C8A: variants seen among roughly 807,000 people sequenced by gnomAD.
C8A encodes the protein complement C8 alpha chain, also known as complement component C8 alpha chain.
Under a neutral mutation model 65.3 loss-of-function variants are expected in C8A, and 67 were observed. That is an observed-to-expected ratio of 1.03 (90% CI 0.84 to 1.26). The LOEUF (loss-of-function observed/expected upper bound fraction) is 1.26. Among genes scored for constraint, C8A ranks in the 50% most tolerant of loss-of-function variants. The pLI is 0.00. For synonymous variants in C8A, 290 were observed against 259.4 expected, an observed-to-expected ratio of 1.12 and a Z score of -1.13; for missense variants, 781 against 723.9, an observed-to-expected ratio of 1.08 and a Z score of -0.90.
intron 1 of C8A, among the ~76,000 whole-genome samples, chr1:56,856,436 G>A (rs920538032): frequency 1.3e-5 from 2 of 152,092 alleles, no homozygotes; most frequent in Non-Finnish European, 2.9e-5. Flanking sequence ...GTGCTGCTGT[G>A]TGATTGTTAT....
At chr1:56,870,481 T>C (rs1007261684) in intron 2 of C8A, among the ~76,000 whole-genome samples, 1 of 152,102 alleles carries the variant, frequency 6.6e-6, no homozygotes, top group Non-Finnish European at 1.5e-5. Flanking sequence ...GTAATCTCTC[T>C]CTGCCTTCTT....
In C8A at chr1:56,912,544, C is replaced by T. The variant is rs926368368; in HGVS notation, c.1522C>T (p.Pro508Ser). 1 of 1,614,052 alleles carries T rather than the reference C, an allele frequency of 6.2e-7. No individual in the cohort carries two copies. The highest frequency in any genetic ancestry group is 8.5e-7 in the Non-Finnish European group (1 of 1,180,024). Residue 508 changes from proline to serine, a missense_variant, in exon 10 of 11, where the codon CCC (proline) becomes TCC (serine). Coordinates refer to ENST00000361249, the MANE Select transcript of C8A (RefSeq NM_000562.3). ...TGGGCCTTGCTTCAACAATGGGGTG[C>T]CCATCCTCGAGGGCACCAGCTGCAG... ...RCGPCFNNGV[P>S]ILEGTSCRCQ...
intron 2 of C8A, among the ~76,000 whole-genome samples, chr1:56,872,464 T>C (rs1248015585): frequency 6.6e-6 from 1 of 152,140 alleles, no homozygotes; most frequent in Non-Finnish European, 1.5e-5. Context: ...AAATTTAAGA[T>C]AATATATCTT....
At chr1:56,871,619 G>A (rs763930188) in intron 2 of C8A, among the ~76,000 whole-genome samples, 2 of 152,112 alleles carry the variant, frequency 1.3e-5, no homozygotes, top group East Asian at 1.9e-4. Flanking sequence ...TGGCAGAGCT[G>A]GAATTCTAAC....
intron 1 of C8A, among the ~76,000 whole-genome samples, chr1:56,866,956 C>T (rs1644095354): frequency 6.6e-6 from 1 of 152,150 alleles, no homozygotes; most frequent in Non-Finnish European, 1.5e-5. Flanking sequence ...CTCTGTCATT[C>T]CTGGGTTATG....
intron 7 of C8A, among the ~76,000 whole-genome samples, chr1:56,887,071 G>A (rs1644305697): frequency 6.6e-6 from 1 of 152,134 alleles, no homozygotes; most frequent in Non-Finnish European, 1.5e-5. Context: ...TGAGAGGAAG[G>A]ATAAGAGATC....
At chr1:56,858,708 A>C (rs1243329615) in intron 1 of C8A, among the ~76,000 whole-genome samples, 4 of 152,242 alleles carry the variant, frequency 2.6e-5, no homozygotes, top group African/African-American at 9.6e-5. Flanking sequence ...ATGAATTTTT[A>C]ATTAATGAAA....
chr1:56,894,391 T>C lies in C8A; in HGVS notation c.1096+8224T>C, dbSNP rs572625797. Among the ~76,000 whole-genome samples, 76 of 152,312 alleles carry C rather than the reference T, an allele frequency of 5.0e-4. 1 individual carries two copies. In the South Asian group the frequency reaches 0.015, roughly 31 times the overall value. On this transcript the variant is annotated intron_variant, in intron 7 of 10. Coordinates refer to ENST00000361249, the MANE Select transcript of C8A (RefSeq NM_000562.3). ...CTCTTCCCATTTATCAAGGTCACTT[T>C]GAACTCTCATCACTATCTTTCAAAG...
intron 7 of C8A, among the ~76,000 whole-genome samples, chr1:56,899,787 C>A (rs1644412806): frequency 6.6e-6 from 1 of 152,194 alleles, no homozygotes; most frequent in African/African-American, 2.4e-5. Context: ...CTGAACCAGG[C>A]ACTGTCCAGA....
Position 56,911,573 on chromosome 1 carries a change from G to A in C8A, c.1381-830G>A, listed in dbSNP as rs550912688. Among the ~76,000 whole-genome samples the A allele has an allele frequency of 2.6e-5, 4 of 152,338 alleles. No homozygotes were observed. In the East Asian group the frequency reaches 7.7e-4, roughly 29 times the overall value. The stretch of plus-strand genomic sequence containing the variant: ...GAGACAGTCTTGGTTTTCACAACTG[G>A]AAGGGGGCTGCTGGCATGTAGTGGG... On this transcript the variant is annotated intron_variant, in intron 9 of 10. Coordinates refer to ENST00000361249, the MANE Select transcript of C8A (RefSeq NM_000562.3).
At chr1:56,917,259 C>T (rs1644559899) in intron 10 of C8A, among the ~76,000 whole-genome samples, 1 of 152,224 alleles carries the variant, frequency 6.6e-6, no homozygotes, top group African/African-American at 2.4e-5. Context: ...TCTCAGGCAA[C>T]AGGATGGCCT....
chr1:56,911,297 G>A (rs1644504151), intron 9 of C8A, among the ~76,000 whole-genome samples: 1 of 152,156 alleles, frequency 6.6e-6, no homozygotes. Flanking sequence ...GTTTTACCAT[G>A]TGACAGGTCT....
intron 2 of C8A, among the ~76,000 whole-genome samples, chr1:56,874,347 T>C (rs546443224): frequency 1.3e-5 from 2 of 152,226 alleles, no homozygotes; most frequent in East Asian, 3.9e-4. Flanking sequence ...ACCTTAACTA[T>C]AGGAGATATA....
At chr1:56,869,344 T>C (rs911613539) in intron 2 of C8A, among the ~76,000 whole-genome samples, 4 of 152,344 alleles carry the variant, frequency 2.6e-5, no homozygotes, top group South Asian at 2.1e-4. Flanking sequence ...GCAAAGACCA[T>C]TAATTTCATT....
At chr1:56,879,933 A>G (rs558378547) in intron 4 of C8A, among the ~76,000 whole-genome samples, 38 of 152,240 alleles carry the variant, frequency 2.5e-4, no homozygotes, top group Admixed American at 1.5e-3. Context: ...GCCATAAACA[A>G]TCATGACGAT....
intron 7 of C8A, among the ~76,000 whole-genome samples, chr1:56,901,082 T>C (rs1329351905): frequency 6.6e-6 from 1 of 152,118 alleles, no homozygotes; most frequent in Non-Finnish European, 1.5e-5. Flanking sequence ...GTGTGAGTTT[T>C]AAAGGATAAA....
At chr1:56,911,771 G>C (rs2101309075) in intron 9 of C8A, among the ~76,000 whole-genome samples, 1 of 152,360 alleles carries the variant, frequency 6.6e-6, no homozygotes, top group Admixed American at 6.5e-5. Context: ...GCCACATGTA[G>C]CTGCCACAGT....
intron 6 of C8A, among the ~76,000 whole-genome samples, chr1:56,885,438 A>AC (rs1557705872): frequency 1.7e-5 from 2 of 120,900 alleles, no homozygotes; most frequent in African/African-American, 6.0e-5. Flanking sequence ...ATATATATTT[A>AC]AGTAAATATA....
At chr1:56,916,140 T>G (rs939838520) in intron 10 of C8A, among the ~76,000 whole-genome samples, 7 of 151,946 alleles carry the variant, frequency 4.6e-5, no homozygotes, top group African/African-American at 1.7e-4. Flanking sequence ...GCACACGTGG[T>G]GGGTATCAGA....
Sources: allele counts gnomAD v4.1 joint callset (sites outside exome capture counted in the v4.1 genomes callset), GRCh38; gene constraint gnomAD v4.1.1; transcripts MANE v1.5; gene names NCBI Gene and HGNC (gene_info 2026-07-23, HGNC 2026-07-21).